CCDC102B: variants seen among roughly 807,000 people sequenced by gnomAD.
CCDC102B encodes the protein coiled-coil domain-containing protein 102B.
Under a neutral mutation model 57.4 loss-of-function variants are expected in CCDC102B, and 75 were observed. That is an observed-to-expected ratio of 1.31 (90% CI 1.08 to 1.58). CCDC102B has a LOEUF of 1.58. Ranked by LOEUF, CCDC102B falls within the 40% of genes most tolerant of loss-of-function variation. CCDC102B has a pLI of 0.00. For synonymous variants in CCDC102B, 206 were observed against 201.9 expected (o/e 1.02, Z -0.17); for missense variants, 636 against 582.6 (o/e 1.09, Z -0.94).
chr18:68,789,226 A>T (rs1455818388), intron 2 of CCDC102B, among the ~76,000 whole-genome samples: 1 of 151,996 alleles, frequency 6.6e-6, no homozygotes, highest in Non-Finnish European at 1.5e-5. Context: ...CTTCCCTTTG[A>T]GGGTAACCCG....
At chr18:69,004,662 T>G (rs2051292326) in intron 6 of CCDC102B, among the ~76,000 whole-genome samples, 1 of 152,228 alleles carries the variant, frequency 6.6e-6, no homozygotes, top group Admixed American at 6.5e-5. Flanking sequence ...GAGTATTTTT[T>G]TAATAATTGT....
chr18:68,729,528 G>A (rs1046725290), intron 2 of CCDC102B, among the ~76,000 whole-genome samples: 1 of 152,264 alleles, frequency 6.6e-6, no homozygotes, highest in South Asian at 2.1e-4. Flanking sequence ...GAAACTTGAC[G>A]CATGACTTGA....
At chr18:68,742,785 G>A (rs2066851620) in intron 2 of CCDC102B, among the ~76,000 whole-genome samples, 1 of 152,116 alleles carries the variant, frequency 6.6e-6, no homozygotes, top group African/African-American at 2.4e-5. Context: ...AGGCTGCATA[G>A]TGCTTTGTTT....
At chr18:68,964,400 G>T (rs1400654212) in intron 6 of CCDC102B, among the ~76,000 whole-genome samples, 1 of 115,372 alleles carries the variant, frequency 8.7e-6, no homozygotes, top group Non-Finnish European at 2.0e-5. Flanking sequence ...TAAAGTTCAG[G>T]GTTTTTTTTT....
At chr18:68,930,576 C>T (rs1282225554) in intron 6 of CCDC102B, among the ~76,000 whole-genome samples, 1 of 151,836 alleles carries the variant, frequency 6.6e-6, no homozygotes, top group African/African-American at 2.4e-5. Flanking sequence ...GTGCTGAATT[C>T]CTCATGTCAT....
chr18:68,819,368 G>C (rs977408), intron 1 of CCDC102B, among the ~76,000 whole-genome samples: 65,549 of 151,710 alleles, frequency 0.43, 15,451 homozygotes, highest in East Asian at 0.86. Flanking sequence ...ACATACTGAA[G>C]TGTCATAAAT....
intron 6 of CCDC102B, among the ~76,000 whole-genome samples, chr18:68,915,793 G>GA (rs1275027714): frequency 2.6e-5 from 4 of 152,084 alleles, no homozygotes; most frequent in African/African-American, 9.7e-5. Context: ...CCATTTTAAG[G>GA]AAAAAATCAA....
chr18:69,015,657 AT>A lies in CCDC102B; in HGVS notation c.1434+4554del, dbSNP rs1352482042. ...TCCTCTGTACTGTAGAGAGACTAGA[AT>A]AGTATGTACTTGGGCCATAGGAAAA... On this transcript the variant is annotated intron_variant, in intron 7 of 7. Transcript: ENST00000360242. 2.0e-5 allele frequency among the ~76,000 whole-genome samples: 3 copies of A among 152,322 alleles called. 1 individual carries two copies. Among genetic ancestry groups the A allele is most frequent in the Middle Eastern group, 6.8e-3 (2 of 294 alleles).
chr18:68,917,769 A>T (rs571356657), intron 6 of CCDC102B, among the ~76,000 whole-genome samples: 1 of 152,290 alleles, frequency 6.6e-6, no homozygotes, highest in Admixed American at 6.5e-5. Flanking sequence ...TTATTTATTT[A>T]CCAAGAATCG....
At chr18:68,897,081 CA>C (rs2145015589) in intron 5 of CCDC102B, 137 bp from the exon 6 acceptor site, 1 of 635,334 alleles carries the variant, frequency 1.6e-6, no homozygotes, top group East Asian at 2.7e-5. Flanking sequence ...TGTTTTCAAA[CA>C]AATAGAATTT....
intron 6 of CCDC102B, among the ~76,000 whole-genome samples, chr18:68,929,563 C>A (rs1000675482): frequency 9.9e-5 from 15 of 151,906 alleles, no homozygotes; most frequent in African/African-American, 3.6e-4. Flanking sequence ...AGTATAAAAT[C>A]TAAATTGGAA....
intron 4 of CCDC102B, among the ~76,000 whole-genome samples, chr18:68,858,001 A>G (rs1317990907): frequency 1.3e-5 from 2 of 152,132 alleles, no homozygotes; most frequent in African/African-American, 4.8e-5. Context: ...ATCTAATCTC[A>G]GGTTTTGACT....
intron 6 of CCDC102B, among the ~76,000 whole-genome samples, chr18:68,980,105 C>T (rs1191627557): frequency 6.6e-6 from 1 of 151,894 alleles, no homozygotes; most frequent in African/African-American, 2.4e-5. Context: ...CCACTTTTAC[C>T]AGGTCCTGGT....
intron 6 of CCDC102B, among the ~76,000 whole-genome samples, chr18:68,947,011 T>G (rs1002747514): frequency 2.0e-5 from 3 of 152,042 alleles, no homozygotes; most frequent in Non-Finnish European, 4.4e-5. Context: ...TTTTCACATA[T>G]GATTTGTTTC....
intron 6 of CCDC102B, among the ~76,000 whole-genome samples, chr18:68,985,798 G>T (rs1462747718): frequency 1.3e-5 from 2 of 152,082 alleles, no homozygotes; most frequent in Admixed American, 1.3e-4. Context: ...AATCTACCAG[G>T]AAGCTACTAG....
At chr18:69,025,421 A>G (rs893043735) in intron 7 of CCDC102B, among the ~76,000 whole-genome samples, 1 of 152,200 alleles carries the variant, frequency 6.6e-6, no homozygotes, top group African/African-American at 2.4e-5. Context: ...CAAGAGAGAA[A>G]ATAGCTTTGG....
At chr18:69,023,792 A>C (rs1055149704) in intron 7 of CCDC102B, among the ~76,000 whole-genome samples, 15 of 152,028 alleles carry the variant, frequency 9.9e-5, no homozygotes, top group African/African-American at 2.9e-4. Flanking sequence ...AAAACTGATA[A>C]TAAATTACTC....
intron 7 of CCDC102B, among the ~76,000 whole-genome samples, chr18:69,025,032 T>C (rs1216156487): frequency 6.6e-6 from 1 of 152,064 alleles, no homozygotes; most frequent in Non-Finnish European, 1.5e-5. Context: ...GGGAATAAAA[T>C]AAATATAATC....
chr18:68,718,973 T>TA (rs2032177458), intron 2 of CCDC102B, among the ~76,000 whole-genome samples: 2 of 152,330 alleles, frequency 1.3e-5, no homozygotes, highest in South Asian at 4.1e-4. Flanking sequence ...GTATACTAAT[T>TA]ACGTTAAAAA....
Sources: gnomAD v4.1 joint callset for allele counts (sites outside exome capture counted in the v4.1 genomes callset) on GRCh38, gnomAD v4.1.1 for gene constraint, MANE v1.5 for transcripts, NCBI Gene and HGNC (gene_info 2026-07-23, HGNC 2026-07-21) for gene names.